Variants in TASOR2 observed in about 807,000 individuals in gnomAD.
TASOR2 encodes protein TASOR 2.
Under a neutral mutation model 199.5 loss-of-function variants are expected in TASOR2, and 84 were observed. The ratio of observed to expected loss-of-function variants is 0.42; its 90% CI spans 0.35 to 0.50. The LOEUF (loss-of-function observed/expected upper bound fraction) is 0.50. Ranked by LOEUF, TASOR2 falls within the 20% of genes least tolerant of loss-of-function variation. TASOR2 has a pLI of 0.02. For missense variants in TASOR2, 2,796 were observed against 2,835.9 expected (o/e 0.99, Z 0.32); for synonymous variants, 1,103 against 1,046.6 (o/e 1.05, Z -1.04).
intron 11 of TASOR2, among the ~76,000 whole-genome samples, chr10:5,734,978 G>GCCACCACT (rs1190091253): frequency 6.6e-6 from 1 of 151,814 alleles, no homozygotes; most frequent in Non-Finnish European, 1.5e-5. Flanking sequence ...ACAAGTGTGA[G>GCCACCACT]CCACCACTCC....
At chr10:5,715,150 A>C (rs1488038761) in intron 2 of TASOR2, among the ~76,000 whole-genome samples, 1 of 152,066 alleles carries the variant, frequency 6.6e-6, no homozygotes, top group Non-Finnish European at 1.5e-5. Context: ...TATTAGTGCC[A>C]GGTGCTATGT....
chr10:5,723,015 A>C (rs959159323), intron 6 of TASOR2, among the ~76,000 whole-genome samples: 4 of 151,296 alleles, frequency 2.6e-5, no homozygotes, highest in Non-Finnish European at 4.4e-5. Context: ...CTCACACACA[A>C]AAAAAGGAAA....
At chr10:5,704,731 A>G (rs1388473688) in intron 1 of TASOR2, among the ~76,000 whole-genome samples, 2 of 152,148 alleles carry the variant, frequency 1.3e-5, no homozygotes, top group Admixed American at 6.5e-5. Flanking sequence ...TAGTGTATAC[A>G]TTTGAAATGA....
rs924005909 is a variant in TASOR2, at chr10:5,748,842, T to G, written c.5421T>G (p.Ser1807=). Residue 1807 remains serine, a synonymous_variant, in exon 15 of 21, where the codon TCT becomes TCG. Coordinates refer to ENST00000328090, the Ensembl canonical transcript of TASOR2. The surrounding 1 kb of genome is among the most constrained non-coding windows in gnomAD (Gnocchi z 5.1). Reference sequence around the variant, plus strand: ...AGGGGCTCAGGGCTGAGGCTGGTTCTGAAACCCTAGGCAGAGATGGAGAGG... The same window carrying G: ...AGGGGCTCAGGGCTGAGGCTGGTTCGGAAACCCTAGGCAGAGATGGAGAGG... The G allele has an allele frequency of 4.3e-6, 7 of 1,614,106 alleles. No homozygotes were observed. The African/African-American group carries it at 8.0e-5, about 18-fold the overall frequency.
intron 2 of TASOR2, among the ~76,000 whole-genome samples, chr10:5,715,910 G>C (rs1832568034): frequency 6.6e-6 from 1 of 152,124 alleles, no homozygotes; most frequent in African/African-American, 2.4e-5. Context: ...CAAAGTGCTG[G>C]GATTACAGGT....
chr10:5,746,203 G>A, exon 15 of TASOR2: 1 of 1,553,104 alleles, frequency 6.4e-7, no homozygotes. Flanking sequence ...AGCTAAACAA[G>A]AATCATTGGA....
intron 6 of TASOR2, among the ~76,000 whole-genome samples, chr10:5,723,214 T>C (rs1833615965): frequency 6.6e-6 from 1 of 151,128 alleles, no homozygotes. Context: ...CACCACCACA[T>C]CCGGCTAATT....
At chr10:5,762,676 T>TGTGA (rs1282498407) in intron 20 of TASOR2, 30 bp downstream of exon 21, 7 of 1,027,116 alleles carry the variant, frequency 6.8e-6, no homozygotes, top group Non-Finnish European at 1.0e-5. Context: ...AACTTTCCCA[T>TGTGA]GTGAGTTGGA....
chr10:5,755,715 C>A (rs946838327), intron 15 of TASOR2, among the ~76,000 whole-genome samples: 1 of 152,100 alleles, frequency 6.6e-6, no homozygotes, highest in African/African-American at 2.4e-5. Context: ...CCAGGTGCCA[C>A]GGTTCATGCC....
chr10:5,702,820 A>G (rs577275582), intron 1 of TASOR2, among the ~76,000 whole-genome samples: 8 of 152,264 alleles, frequency 5.3e-5, no homozygotes, highest in Admixed American at 4.6e-4. Context: ...AAAAGACACA[A>G]CATGCTCCAG....
intron 1 of TASOR2, among the ~76,000 whole-genome samples, chr10:5,686,695 A>G (rs1835852490): frequency 6.6e-6 from 1 of 152,218 alleles, no homozygotes; most frequent in Admixed American, 6.5e-5. Context: ...TTTTTAAAAT[A>G]TCTTAGCCAC....
At position 5,694,478 on chromosome 10, in the gene TASOR2, A is replaced by C. The variant is rs541043093; in HGVS notation, c.-288+9303A>C. ...AAACTAATCTAGTGGTTGGAGGACA[A>C]TCAGATAAACAAGAAAAAATACCAG... is the stretch of plus-strand genomic sequence containing the variant. On this transcript the variant is annotated intron_variant, in intron 1 of 20. Coordinates refer to ENST00000328090, the Ensembl canonical transcript of TASOR2. 1.3e-4 allele frequency among the ~76,000 whole-genome samples: 20 copies of C among 152,374 alleles called. No individual in the cohort carries two copies. In the East Asian group the frequency reaches 3.5e-3, roughly 26 times the overall value.
At chr10:5,747,122 C>T (rs1837333230) in exon 15 of TASOR2, 1 of 1,614,106 alleles carries the variant, frequency 6.2e-7, no homozygotes, top group Non-Finnish European at 8.5e-7. Flanking sequence ...TCAGGTGACT[C>T]TTTAGAACTA....
chr10:5,717,335 G>C (rs931161805), intron 2 of TASOR2, among the ~76,000 whole-genome samples: 1 of 152,080 alleles, frequency 6.6e-6, no homozygotes, highest in Non-Finnish European at 1.5e-5. Flanking sequence ...TGGTCTTTGT[G>C]TCTGTGACCC....
chr10:5,720,234 G>A lies in TASOR2; in HGVS notation c.-99-310G>A. On this transcript the variant is annotated intron_variant, in intron 3 of 20. Transcript: ENST00000328090. The surrounding 1 kb of genome is among the most constrained non-coding windows in gnomAD (Gnocchi z 5.3). ...AGGTTATTGCTATTCGAAGGCATCT[G>A]ATTAGTTTTAATATTTTCATTCTAG... 2 of 984,234 alleles carry A rather than the reference G, an allele frequency of 2.0e-6. No individual in the cohort carries two copies. The highest frequency in any genetic ancestry group is 2.4e-6 in the Non-Finnish European group (2 of 828,904). The allele number at this position is 984,234 out of a possible 1,614,324, so 61.0% of individuals were successfully genotyped here. A position where few individuals can be genotyped will look rare whatever the true frequency, so the allele number is the denominator to read the frequency against.
In TASOR2 at chr10:5,706,019, G is replaced by A. The variant is rs1202785932; in HGVS notation, c.-287-6804G>A. On this transcript the variant is annotated intron_variant, in intron 1 of 20. Coordinates refer to ENST00000328090, the Ensembl canonical transcript of TASOR2. This position sits in a 1 kb window ranked among gnomAD's most constrained non-coding sequence, Gnocchi z 4.8. ...AAATAGTTATAGTTTTTATGTTTAG[G>A]TCTGTGATTCATTTTGAGTTAAATT... Among the ~76,000 whole-genome samples the A allele has an allele frequency of 6.6e-6, 1 of 151,966 alleles. No homozygotes were observed. Among genetic ancestry groups the A allele is most frequent in the African/African-American group, 2.4e-5 (1 of 41,380 alleles).
rs1835882549 is a variant in TASOR2 at position 5,738,154 on chromosome 10, G to C, written c.1448-1464G>C. 6.6e-6 allele frequency among the ~76,000 whole-genome samples: 1 copy of C among 152,098 alleles called. No homozygotes were observed. Among genetic ancestry groups the C allele is most frequent in the Admixed American group, 6.5e-5 (1 of 15,272 alleles). ...GACAGTCCTTTTGTTAATGAAACAT[G>C]ATTTTCTGTCCTTTTTATTCACTGA... On this transcript the variant is annotated intron_variant, in intron 12 of 20. Transcript: ENST00000328090. This position sits in a 1 kb window ranked among gnomAD's most constrained non-coding sequence, Gnocchi z 4.7.
At chr10:5,708,660 CCTT>C (rs1831511183) in intron 1 of TASOR2, among the ~76,000 whole-genome samples, 2 of 106,916 alleles carry the variant, frequency 1.9e-5, no homozygotes, top group African/African-American at 7.6e-5. Context: ...TCCTTCCTTT[CCTT>C]CCTTTCTTCC....
At position 5,706,306 on chromosome 10, in the gene TASOR2, G is replaced by A. The variant is rs753604230; in HGVS notation, c.-287-6517G>A. On this transcript the variant is annotated intron_variant, in intron 1 of 20. Coordinates refer to ENST00000328090, the Ensembl canonical transcript of TASOR2. The surrounding 1 kb of genome is among the most constrained non-coding windows in gnomAD (Gnocchi z 4.8). ...TTCAGCTTTGTTCTTTTTCAAAATT[G>A]TTTTGGCTTATATCTTTCTTATATA... Among the ~76,000 whole-genome samples, 1 of 152,074 alleles carries A rather than the reference G, an allele frequency of 6.6e-6. No individual in the cohort carries two copies. The highest frequency in any genetic ancestry group is 1.5e-5 in the Non-Finnish European group (1 of 68,016).
Sources: gnomAD v4.1 joint callset for allele counts (sites outside exome capture counted in the v4.1 genomes callset) on GRCh38, gnomAD v4.1.1 for gene constraint, Gnocchi (gnomAD v3.1) non-coding constraint, MANE v1.5 for transcripts, NCBI Gene and HGNC (gene_info 2026-07-23, HGNC 2026-07-21) for gene names.